MAF: variants seen among roughly 807,000 people sequenced by gnomAD.
MAF encodes MAF bZIP transcription factor.
In MAF, 10 loss-of-function variants were observed where a neutral mutation model predicts 22.0. That is an observed-to-expected ratio of 0.45 (90% CI 0.28 to 0.77). The LOEUF is 0.77. MAF is among the 30% of genes least tolerant of loss of function. The pLI is 0.12. For missense variants in MAF, 544 were observed against 548.4 expected, an observed-to-expected ratio of 0.99 and a Z score of 0.08; for synonymous variants, 337 against 255.8, an observed-to-expected ratio of 1.32 and a Z score of -3.03.
chr16:79,232,601 T>A, the MAF span, among the ~76,000 whole-genome samples: 1 of 152,136 alleles, frequency 6.6e-6, no homozygotes, highest in Admixed American at 6.6e-5. Context: ...CCTTCCTGCC[T>A]GACACTCATG....
chr16:79,398,860 T>C, the MAF span, among the ~76,000 whole-genome samples: 2 of 152,222 alleles, frequency 1.3e-5, no homozygotes, highest in African/African-American at 4.8e-5. Context: ...CCAGGCATTC[T>C]CTGCCCCATT....
At chr16:79,251,308 G>A in the MAF span, among the ~76,000 whole-genome samples, 9 of 126,596 alleles carry the variant, frequency 7.1e-5, no homozygotes, top group African/African-American at 2.9e-4. Flanking sequence ...TTCTTTTTAA[G>A]TCTTTATCTT....
At chr16:79,523,430 T>G in the MAF span, among the ~76,000 whole-genome samples, 3 of 152,208 alleles carry the variant, frequency 2.0e-5, no homozygotes, top group Non-Finnish European at 2.9e-5. Flanking sequence ...CTTTCACACA[T>G]GTTACTTATT....
chr16:79,375,470 T>C, the MAF span, among the ~76,000 whole-genome samples: 3 of 152,102 alleles, frequency 2.0e-5, no homozygotes, highest in African/African-American at 7.2e-5. Flanking sequence ...CAGGGCATGG[T>C]GGTGATGAAG....
At chr16:79,228,036 T>C in the MAF span, among the ~76,000 whole-genome samples, 3 of 152,088 alleles carry the variant, frequency 2.0e-5, no homozygotes, top group Non-Finnish European at 4.4e-5. Context: ...CCCAAGTAGC[T>C]AGGACTATAG....
the MAF span, among the ~76,000 whole-genome samples, chr16:79,486,622 T>A: frequency 5.3e-5 from 8 of 152,266 alleles, no homozygotes; most frequent in African/African-American, 1.9e-4. Context: ...GTTACGCAGC[T>A]ATCTTTAGAG....
chr16:79,210,112 A>C, the MAF span, among the ~76,000 whole-genome samples: 1 of 152,140 alleles, frequency 6.6e-6, no homozygotes, highest in African/African-American at 2.4e-5. Flanking sequence ...ATCAAAACCC[A>C]AGTCTTTGTC....
the MAF span, among the ~76,000 whole-genome samples, chr16:79,396,176 T>C: frequency 6.6e-6 from 1 of 152,138 alleles, no homozygotes; most frequent in African/African-American, 2.4e-5. Context: ...ACAGGCCTCC[T>C]CCTGAGACAC....
chr16:79,332,154 C>T, the MAF span, among the ~76,000 whole-genome samples: 2 of 152,092 alleles, frequency 1.3e-5, no homozygotes, highest in African/African-American at 2.4e-5. Flanking sequence ...ACTCTTGCTC[C>T]AACTCTGCCA....
chr16:79,441,120 T>C, the MAF span, among the ~76,000 whole-genome samples: 3,281 of 152,346 alleles, frequency 0.022, 152 homozygotes, highest in East Asian at 0.19. Flanking sequence ...TACTAGTACA[T>C]GCCAGCTGTT....
chr16:79,329,655 C>A, the MAF span, among the ~76,000 whole-genome samples: 2 of 152,152 alleles, frequency 1.3e-5, no homozygotes, highest in Admixed American at 6.5e-5. Context: ...ACCCTCTAAA[C>A]ACCCTTATCT....
chr16:79,475,753 G>A, the MAF span, among the ~76,000 whole-genome samples: 1 of 152,126 alleles, frequency 6.6e-6, no homozygotes, highest in Non-Finnish European at 1.5e-5. Flanking sequence ...GTGGGGGTGT[G>A]GAGTGAAGCA....
the MAF span, among the ~76,000 whole-genome samples, chr16:79,307,220 C>T: frequency 6.6e-6 from 1 of 152,220 alleles, no homozygotes; most frequent in Non-Finnish European, 1.5e-5. Context: ...TCTGACCTCA[C>T]ACGAGCTGAC....
chr16:79,480,088 G>C, the MAF span, among the ~76,000 whole-genome samples: 1 of 152,080 alleles, frequency 6.6e-6, no homozygotes, highest in Non-Finnish European at 1.5e-5. Flanking sequence ...TAGAATCTTT[G>C]GCCTGTACCC....
At chr16:79,484,543 G>T in the MAF span, among the ~76,000 whole-genome samples, 2 of 152,152 alleles carry the variant, frequency 1.3e-5, no homozygotes, top group Admixed American at 1.3e-4. Flanking sequence ...ATGGTGGGAG[G>T]GAAGGGCTCA....
chr16:79,496,635 T>C, the MAF span, among the ~76,000 whole-genome samples: 1 of 152,222 alleles, frequency 6.6e-6, no homozygotes, highest in Admixed American at 6.5e-5. Context: ...GGATATAGTT[T>C]TCAAAGGAGG....
the MAF span, among the ~76,000 whole-genome samples, chr16:79,448,394 T>TC: frequency 2.1e-3 from 298 of 142,138 alleles, no homozygotes; most frequent in Middle Eastern, 3.6e-3. Flanking sequence ...TTTTTTTTTT[T>TC]AGCAATGAAG....
intron 1 of MAF, chr16:79,595,662 T>C: frequency 1.9e-6 from 2 of 1,057,916 alleles, no homozygotes; most frequent in East Asian, 5.2e-5. Context: ...TCAGCCCCCA[T>C]ACACAGCCTA....
At chr16:79,471,143 C>CA in the MAF span, among the ~76,000 whole-genome samples, 2 of 152,146 alleles carry the variant, frequency 1.3e-5, no homozygotes, top group African/African-American at 4.8e-5. Flanking sequence ...ACCACTCCCA[C>CA]GCCTGTGGAG....
Sources: allele counts gnomAD v4.1 joint callset (sites outside exome capture counted in the v4.1 genomes callset), GRCh38; gene constraint gnomAD v4.1.1; transcripts MANE v1.5; gene names NCBI Gene and HGNC (gene_info 2026-07-23, HGNC 2026-07-21).